Variants in TSEN2 observed in about 807,000 individuals in gnomAD.
TSEN2 encodes the protein tRNA-splicing endonuclease subunit Sen2.
A neutral mutation model predicts 59.2 loss-of-function variants in TSEN2; 54 were observed. The observed-to-expected ratio is 0.91, with a 90% CI of 0.73 to 1.14. The LOEUF (loss-of-function observed/expected upper bound fraction) is 1.14. Ranked by LOEUF, TSEN2 falls within the 50% of genes most tolerant of loss-of-function variation. The probability of loss-of-function intolerance (pLI) is 0.00; values close to 1 mark genes in which losing one functional copy is unlikely to be tolerated. For missense variants in TSEN2, 636 were observed against 576.2 expected, an observed-to-expected ratio of 1.10 and a Z score of -1.06; for synonymous variants, 195 against 198.2, an observed-to-expected ratio of 0.98 and a Z score of 0.14.
chr3:12,530,097 C>G, intron 10 of TSEN2: 1 of 1,415,884 alleles, frequency 7.1e-7, no homozygotes, highest in South Asian at 1.6e-5. Flanking sequence ...CCAACTGCTG[C>G]TGAGCTCCAA....
At chr3:12,484,455 C>G (rs950677952), upstream of TSEN2, 1 of 152,284 alleles carries the variant, frequency 6.6e-6, no homozygotes, top group African/African-American at 2.4e-5. Context: ...TGCTTGACGG[C>G]AGCGGTGTCC....
At position 12,489,922 on chromosome 3, in the gene TSEN2, G is replaced by C. The variant is rs12495784; in HGVS notation, c.122G>C (p.Arg41Pro). Reference protein sequence around the residue: ...HGPLKEFKIFRAEMINNNVIV... With the variant: ...HGPLKEFKIFPAEMINNNVIV... Reference sequence around the variant, plus strand: ...CCTCTGAAAGAATTCAAGATATTCCGTGCTGAAATGATTAACAACAATGTG... The same window carrying C: ...CCTCTGAAAGAATTCAAGATATTCCCTGCTGAAATGATTAACAACAATGTG... Residue 41 changes from arginine (R) to proline (P), a missense_variant, in exon 2 of 12, where the codon CGT becomes CCT. By Grantham distance (103) the Arg-to-Pro change is moderately radical. Coordinates refer to ENST00000284995, the MANE Select transcript of TSEN2 (RefSeq NM_025265.4). The C allele has an allele frequency of 3.1e-6, 5 of 1,613,926 alleles. No individual in the cohort carries two copies. The African/African-American group carries it at 5.3e-5, about 17-fold the overall frequency.
In TSEN2 at chr3:12,510,639, G is replaced by A. The variant is rs561299372; in HGVS notation, c.909+5408G>A. Among the ~76,000 whole-genome samples the A allele has an allele frequency of 4.9e-4, 75 of 152,112 alleles. 1 individual carries two copies. Among genetic ancestry groups the A allele is most frequent in the Admixed American group, 1.6e-3 (24 of 15,284 alleles). On this transcript the variant is annotated intron_variant, in intron 6 of 11. Transcript: ENST00000284995. ...GGCTCTTCCATTTTGTACCTCACCC[G>A]TTTTTCCCACATTTCTTTTCCCGTG...
At chr3:12,495,326 C>T (rs2053643015) in intron 3 of TSEN2, among the ~76,000 whole-genome samples, 1 of 152,072 alleles carries the variant, frequency 6.6e-6, no homozygotes, top group African/African-American at 2.4e-5. Flanking sequence ...ACCTCCTGGG[C>T]TTATGCCGTC....
At chr3:12,492,931 C>T in intron 3 of TSEN2, among the ~76,000 whole-genome samples, 1 of 152,084 alleles carries the variant, frequency 6.6e-6, no homozygotes, top group East Asian at 1.9e-4. Flanking sequence ...TTTTCTTTTC[C>T]CCCATTCCTC....
At chr3:12,493,281 A>G (rs1299997239) in intron 3 of TSEN2, among the ~76,000 whole-genome samples, 2 of 152,212 alleles carry the variant, frequency 1.3e-5, no homozygotes, top group African/African-American at 4.8e-5. Context: ...ATATATACCC[A>G]GGAGTAGAAT....
At chr3:12,501,944 A>G (rs907673025) in intron 4 of TSEN2, among the ~76,000 whole-genome samples, 5 of 152,212 alleles carry the variant, frequency 3.3e-5, no homozygotes, top group African/African-American at 9.6e-5. Context: ...TGTTTTGCCT[A>G]TAATTTTTTG....
intron 10 of TSEN2, chr3:12,531,335 A>C (rs1165571488): frequency 2.1e-5 from 11 of 520,316 alleles, no homozygotes; most frequent in Non-Finnish European, 3.5e-5. Flanking sequence ...TGTGTTTATA[A>C]TCAATGTATC....
upstream of TSEN2, among the ~76,000 whole-genome samples, chr3:12,484,045 C>G (rs1037567846): frequency 6.6e-6 from 1 of 152,202 alleles, no homozygotes; most frequent in African/African-American, 2.4e-5. Context: ...GCAAGTTCCC[C>G]GCATGCTGCA....
chr3:12,536,150 T>C (rs1167667029), downstream of TSEN2, among the ~76,000 whole-genome samples: 1 of 151,948 alleles, frequency 6.6e-6, no homozygotes, highest in Non-Finnish European at 1.5e-5. Flanking sequence ...GGTAGAAAAA[T>C]AGCTGGAGGT....
At chr3:12,493,176 G>A (rs892114361) in intron 3 of TSEN2, among the ~76,000 whole-genome samples, 1 of 152,100 alleles carries the variant, frequency 6.6e-6, no homozygotes, top group African/African-American at 2.4e-5. Flanking sequence ...ATCTGCTGAT[G>A]GACACTTAGA....
intron 8 of TSEN2, among the ~76,000 whole-genome samples, chr3:12,522,718 A>T (rs781058276): frequency 6.6e-6 from 1 of 152,270 alleles, no homozygotes; most frequent in African/African-American, 2.4e-5. Flanking sequence ...TTCACACCTT[A>T]TCAGGGAAAC....
intron 11 of TSEN2, 131 bp downstream of exon 11, chr3:12,531,790 T>C: frequency 1.4e-6 from 1 of 700,154 alleles, no homozygotes; most frequent in South Asian, 1.6e-5. Flanking sequence ...AGGCAGGCTC[T>C]TAAGTCTCTC....
intron 7 of TSEN2, 54 bp from the exon 8 acceptor site, chr3:12,519,005 G>A (rs538044295): frequency 1.4e-5 from 22 of 1,591,662 alleles, no homozygotes; most frequent in African/African-American, 4.0e-5. Context: ...CTGGCTGAAC[G>A]GAGAGTGAAT....
At chr3:12,486,461 T>A (rs2052623264) in intron 1 of TSEN2, among the ~76,000 whole-genome samples, 1 of 152,220 alleles carries the variant, frequency 6.6e-6, no homozygotes, top group African/African-American at 2.4e-5. Context: ...TTTCTATCTT[T>A]TCTAGAAGCT....
chr3:12,508,045 G>A (rs2055026693), intron 6 of TSEN2, among the ~76,000 whole-genome samples: 1 of 152,182 alleles, frequency 6.6e-6, no homozygotes, highest in African/African-American at 2.4e-5. Flanking sequence ...GGCCAGCAGG[G>A]CACTGCAGGG....
chr3:12,509,012 T>C (rs1421317142), intron 6 of TSEN2, among the ~76,000 whole-genome samples: 1 of 152,112 alleles, frequency 6.6e-6, no homozygotes, highest in Non-Finnish European at 1.5e-5. Flanking sequence ...AGGTGCATGC[T>C]ACACCATGTC....
intron 6 of TSEN2, among the ~76,000 whole-genome samples, chr3:12,515,882 T>G (rs879043387): frequency 6.6e-6 from 1 of 151,980 alleles, no homozygotes; most frequent in African/African-American, 2.4e-5. Flanking sequence ...CTTTTTTTTT[T>G]GTTGATATAT....
At position 12,489,884 on chromosome 3, in the gene TSEN2, T is replaced by A. The variant is rs140426230; in HGVS notation, c.84T>A (p.Gly28=). The A allele has an allele frequency of 6.2e-7, 1 of 1,614,068 alleles. No homozygotes were observed. Among genetic ancestry groups the A allele is most frequent in the East Asian group, 2.2e-5 (1 of 44,886 alleles). Reference sequence around the variant, plus strand: ...AGTCTCCATTGCCAATCCCTTTTGGTCAGGACCATGGTCCTCTGAAAGAAT... The same window carrying A: ...AGTCTCCATTGCCAATCCCTTTTGGACAGGACCATGGTCCTCTGAAAGAAT... The part of the protein sequence containing the change: ...TYESPLPIPF[G]QDHGPLKEFK... Residue 28 remains glycine (G), a synonymous_variant, in exon 2 of 12, where the codon GGT becomes GGA. Transcript: ENST00000284995.
Sources: gnomAD v4.1 joint callset for allele counts (sites outside exome capture counted in the v4.1 genomes callset) on GRCh38, gnomAD v4.1.1 for gene constraint, MANE v1.5 for transcripts, NCBI Gene and HGNC (gene_info 2026-07-23, HGNC 2026-07-21) for gene names.